The following MYO5B variants were observed in gnomAD, a reference collection of about 807,000 sequenced individuals.
The protein encoded by MYO5B is unconventional myosin-Vb.
MYO5B carries 143 observed loss-of-function variants against 229.3 expected under a neutral mutation model. The observed-to-expected ratio is 0.62, with a 90% CI of 0.54 to 0.72. MYO5B has a LOEUF of 0.72. Ranked by LOEUF, MYO5B falls within the 30% of genes least tolerant of loss-of-function variation. The pLI is 0.00. For synonymous variants in MYO5B, 918 were observed against 885.2 expected (o/e 1.04, Z -0.66); for missense variants, 2,321 against 2,331.0 (o/e 1.00, Z 0.09).
chr18:49,864,127 C>G lies in MYO5B; in HGVS notation c.3843+14G>C. On this transcript the variant is annotated intron_variant, in intron 28 of 39. Transcript: ENST00000285039. The stretch of plus-strand genomic sequence containing the variant: ...ACCCCTCGGCAGCCCCACCGCGGGC[C>G]GCCATCTTGTTACCGCGTTCCTGCC... 3.7e-6 allele frequency: 6 copies of G among 1,605,734 alleles called. No individual in the cohort carries two copies. The highest frequency in any genetic ancestry group is 5.1e-6 in the Non-Finnish European group (6 of 1,179,714).
At chr18:50,065,776 A>C (rs1157821197) in intron 1 of MYO5B, among the ~76,000 whole-genome samples, 4 of 152,308 alleles carry the variant, frequency 2.6e-5, no homozygotes, top group South Asian at 4.1e-4. Context: ...CAGGGGACCC[A>C]ACCCACTGTG....
At chr18:50,178,994 A>C (rs77015246) in intron 1 of MYO5B, among the ~76,000 whole-genome samples, 1 of 152,338 alleles carries the variant, frequency 6.6e-6, no homozygotes, top group South Asian at 2.1e-4. Context: ...GGGAAAAAAA[A>C]GGTGAGGACC....
In MYO5B at chr18:49,928,041, A is replaced by T. The variant is rs1790775; in HGVS notation, c.2090+1471T>A. Among the ~76,000 whole-genome samples, 499 of 151,434 alleles carry T rather than the reference A, an allele frequency of 3.3e-3. 5 individuals carry two copies. The highest frequency in any genetic ancestry group is 0.01 in the African/African-American group (429 of 41,310). On this transcript the variant is annotated intron_variant, in intron 17 of 39. Coordinates refer to ENST00000285039, the MANE Select transcript of MYO5B (RefSeq NM_001080467.3). ...ATCTACAAGGAACTCAAAGTAGCAC[A>T]GAAAAAAAACCATCCCGTCAAAAAG... is the stretch of plus-strand genomic sequence containing the variant.
chr18:49,872,301 TG>T, intron 26 of MYO5B, 69 bp from the exon 27 acceptor site: 1 of 1,542,176 alleles, frequency 6.5e-7, no homozygotes. Flanking sequence ...TGTTTCCAAC[TG>T]TGGTCAAACT....
chr18:50,181,834 T>C (rs4939951), intron 1 of MYO5B, among the ~76,000 whole-genome samples: 77,998 of 152,060 alleles, frequency 0.51, 20,156 homozygotes, highest in Admixed American at 0.6. Context: ...CAAAGAAACA[T>C]TAGTTTCTGG....
intron 1 of MYO5B, among the ~76,000 whole-genome samples, chr18:50,119,287 T>G (rs917963140): frequency 6.6e-6 from 1 of 152,216 alleles, no homozygotes; most frequent in Non-Finnish European, 1.5e-5. Context: ...TATATTGATT[T>G]TAAACATGAA....
intron 26 of MYO5B, among the ~76,000 whole-genome samples, chr18:49,874,803 C>T (rs767112323): frequency 6.6e-6 from 1 of 152,168 alleles, no homozygotes; most frequent in Non-Finnish European, 1.5e-5. Flanking sequence ...GCCTTGTACC[C>T]TTTAGAAGTG....
At chr18:50,184,885 C>T (rs1435739591) in intron 1 of MYO5B, among the ~76,000 whole-genome samples, 3 of 106,652 alleles carry the variant, frequency 2.8e-5, no homozygotes, top group Non-Finnish European at 5.9e-5. Context: ...CACACACACA[C>T]ACACACACAG....
intron 1 of MYO5B, among the ~76,000 whole-genome samples, chr18:50,180,786 G>C (rs1005527471): frequency 6.6e-6 from 1 of 152,156 alleles, no homozygotes; most frequent in African/African-American, 2.4e-5. Flanking sequence ...TTGGGTAACT[G>C]TCTTATTTCA....
intron 1 of MYO5B, among the ~76,000 whole-genome samples, chr18:50,088,466 A>C (rs900940220): frequency 1.3e-5 from 2 of 152,262 alleles, no homozygotes; most frequent in African/African-American, 4.8e-5. Flanking sequence ...AATATTTCTC[A>C]GGTGACTTTA....
At chr18:49,899,968 A>G (rs2024822573) in intron 21 of MYO5B, among the ~76,000 whole-genome samples, 2 of 151,396 alleles carry the variant, frequency 1.3e-5, no homozygotes. Context: ...CTTTTCTTTG[A>G]TTTTTCAAGC....
chr18:50,043,379 T>A (rs1290735105), intron 2 of MYO5B, among the ~76,000 whole-genome samples: 10 of 69,296 alleles, frequency 1.4e-4, no homozygotes, highest in African/African-American at 4.3e-4. Context: ...TAATATATAA[T>A]ATATTAAATA....
At chr18:50,116,726 G>A (rs1438398561) in intron 1 of MYO5B, among the ~76,000 whole-genome samples, 2 of 151,446 alleles carry the variant, frequency 1.3e-5, no homozygotes, top group African/African-American at 4.9e-5. Context: ...CGTCAGAAAT[G>A]TACATTCTCA....
chr18:50,101,558 C>A (rs1407492413), intron 1 of MYO5B, among the ~76,000 whole-genome samples: 1 of 151,468 alleles, frequency 6.6e-6, no homozygotes, highest in Non-Finnish European at 1.5e-5. Flanking sequence ...GAAAAAAAAA[C>A]AGACAACTCC....
chr18:50,129,732 T>G (rs772072303), intron 1 of MYO5B, among the ~76,000 whole-genome samples: 1 of 152,132 alleles, frequency 6.6e-6, no homozygotes, highest in Non-Finnish European at 1.5e-5. Flanking sequence ...AGAATCTAGA[T>G]CCCAAAACCT....
chr18:49,850,647 C>A (rs1181103792), intron 31 of MYO5B: 1 of 152,130 alleles, frequency 6.6e-6, no homozygotes, highest in Non-Finnish European at 1.5e-5. Flanking sequence ...TAGAAAGGAC[C>A]CAGGTGTCTA....
At chr18:50,154,335 C>T (rs764963938) in intron 1 of MYO5B, among the ~76,000 whole-genome samples, 4 of 152,186 alleles carry the variant, frequency 2.6e-5, no homozygotes, top group Non-Finnish European at 5.9e-5. Flanking sequence ...AAAAGACAAT[C>T]CATGACCTCA....
chr18:49,888,042 AG>A (rs2024664913), intron 22 of MYO5B, among the ~76,000 whole-genome samples: 1 of 152,124 alleles, frequency 6.6e-6, no homozygotes, highest in African/African-American at 2.4e-5. Flanking sequence ...GCCCTCAGAG[AG>A]TGTCCAGCCT....
intron 39 of MYO5B, among the ~76,000 whole-genome samples, chr18:49,830,024 C>A (rs1290670151): frequency 6.6e-6 from 1 of 152,080 alleles, no homozygotes; most frequent in East Asian, 1.9e-4. Flanking sequence ...CCTGTTCTTA[C>A]CACTTCTATT....
Sources: allele counts gnomAD v4.1 joint callset (sites outside exome capture counted in the v4.1 genomes callset), GRCh38; gene constraint gnomAD v4.1.1; transcripts MANE v1.5; gene names NCBI Gene and HGNC (gene_info 2026-07-23, HGNC 2026-07-21).